The following ANKRD36B variants were observed in gnomAD, a reference collection of about 807,000 sequenced individuals.
ANKRD36B encodes the protein ankyrin repeat domain 36B, also known as ankyrin repeat domain-containing protein 36B.
A neutral mutation model predicts 135.7 loss-of-function variants in ANKRD36B; 37 were observed. The observed-to-expected ratio is 0.27, with a 90% CI of 0.21 to 0.36. The LOEUF (loss-of-function observed/expected upper bound fraction) is 0.36. Ranked by LOEUF, ANKRD36B falls within the 10% of genes least tolerant of loss-of-function variation. The probability of loss-of-function intolerance (pLI) is 1.00; values close to 1 mark genes in which losing one functional copy is unlikely to be tolerated. For missense variants in ANKRD36B, 549 were observed against 1,037.1 expected (o/e 0.53, Z 6.46); for synonymous variants, 179 against 348.1 (o/e 0.51, Z 5.41).
In ANKRD36B at chr2:97,553,173, C is replaced by A. The variant is rs760258571; in HGVS notation, c.1268G>T (p.Gly423Val). ...AATGTGTTTTGCAAAATTACCTGTC[C>A]CAGATTTTTCTCCATCCTTTATTTC... ...ATEIKDGEKS[G>V]TVSSQKKPAL... The change falls in exon 16 of 44, where the codon GGG becomes GTG. Residue 423 changes from glycine (G) to valine (V), a missense_variant. Gly to Val is a moderately radical substitution (Grantham distance 109). Transcript: ENST00000359901. The A allele has an allele frequency of 9.9e-6, 16 of 1,610,950 alleles. No homozygotes were observed. The African/African-American group carries it at 1.9e-4, about 19-fold the overall frequency.
At position 97,542,174 on chromosome 2, in the gene ANKRD36B, C is replaced by T; in HGVS notation, c.1784-67G>A. The T allele has an allele frequency of 5.6e-6, 4 of 720,612 alleles. 1 individual carries two copies. The Middle Eastern group carries it at 1.5e-3, about 273-fold the overall frequency. 44.6% of individuals were successfully genotyped at this position (720,612 alleles called of 1,614,324 possible). A position where few individuals can be genotyped will look rare whatever the true frequency, so the allele number is the denominator to read the frequency against. On this transcript the variant is annotated intron_variant, in intron 26 of 43. Coordinates refer to ENST00000359901, the MANE Select transcript of ANKRD36B (RefSeq NM_001393939.1). The stretch of plus-strand genomic sequence containing the variant: ...TGATAAAGTTATTCAAACATTCATG[C>T]AGTGTTAGCATCAAGCTGCATCTGT...
chr2:97,549,899 T>G (rs1489214608), intron 18 of ANKRD36B, among the ~76,000 whole-genome samples: 1 of 151,972 alleles, frequency 6.6e-6, no homozygotes, highest in Non-Finnish European at 1.5e-5. Context: ...GGCCAAGTGA[T>G]GAGAACAAAT....
chr2:97,564,201 C>T (rs186378304), intron 6 of ANKRD36B, among the ~76,000 whole-genome samples: 72 of 151,908 alleles, frequency 4.7e-4, no homozygotes, highest in African/African-American at 1.5e-3. Context: ...GGTTACATGT[C>T]GTCAATAAGT....
chr2:97,569,914 T>C (rs1019696662), intron 6 of ANKRD36B, among the ~76,000 whole-genome samples: 2 of 152,180 alleles, frequency 1.3e-5, no homozygotes, highest in East Asian at 3.9e-4. Context: ...AGAAAATAAC[T>C]GATAAATGAT....
intron 6 of ANKRD36B, among the ~76,000 whole-genome samples, chr2:97,568,484 G>T (rs1212432970): frequency 6.6e-6 from 1 of 152,118 alleles, no homozygotes; most frequent in Non-Finnish European, 1.5e-5. Context: ...CTCTCCTAGG[G>T]AAGATTCTGG....
intron 6 of ANKRD36B, among the ~76,000 whole-genome samples, chr2:97,563,889 C>T (rs530533571): frequency 2.6e-4 from 39 of 152,182 alleles, no homozygotes; most frequent in South Asian, 1.0e-3. Flanking sequence ...CATATGGTAT[C>T]AACATGAAGA....
intron 6 of ANKRD36B, among the ~76,000 whole-genome samples, chr2:97,561,406 G>A (rs1267638130): frequency 6.6e-6 from 1 of 151,892 alleles, no homozygotes; most frequent in African/African-American, 2.4e-5. Flanking sequence ...TATGTTTGGT[G>A]AATTCTAGTA....
At position 97,585,915 on chromosome 2, in the gene ANKRD36B, T is replaced by C. The variant is rs1465175149; in HGVS notation, c.162-517A>G. 7.9e-5 allele frequency among the ~76,000 whole-genome samples: 12 copies of C among 152,270 alleles called. 1 individual carries two copies. The East Asian group carries it at 1.9e-3, about 24-fold the overall frequency. On this transcript the variant is annotated intron_variant, in intron 1 of 43. Coordinates refer to ENST00000359901, the MANE Select transcript of ANKRD36B (RefSeq NM_001393939.1). ...CATTCTCAGATGCTCATTTTCTCACTATTCTCTTATATAAGCTACTATTCT... is the reference window on the plus strand; with the variant it reads ...CATTCTCAGATGCTCATTTTCTCACCATTCTCTTATATAAGCTACTATTCT...
chr2:97,550,151 A>T (rs1310345216), intron 18 of ANKRD36B, among the ~76,000 whole-genome samples: 4 of 150,668 alleles, frequency 2.7e-5, no homozygotes, highest in Admixed American at 6.6e-5. Context: ...CACCTTGGAC[A>T]CCTGTTTGCT....
rs1372901030 is a variant in ANKRD36B, at chr2:97,527,990, T to G, written c.2265+4321A>C. On this transcript the variant is annotated intron_variant, in intron 35 of 43. Transcript: ENST00000359901. ...CATCCCACTGTCAACATTAGACAGATCAACGAGACACAAAGTTAACAAGGA... is the reference window on the plus strand; with the variant it reads ...CATCCCACTGTCAACATTAGACAGAGCAACGAGACACAAAGTTAACAAGGA... Among the ~76,000 whole-genome samples the G allele has an allele frequency of 5.2e-5, 5 of 95,752 alleles. 2 individuals are homozygous for G. The highest frequency in any genetic ancestry group is 1.4e-4 in the Non-Finnish European group (5 of 36,136). The allele number at this position is 95,752 out of a possible 152,430, so 62.8% of individuals were successfully genotyped here.
chr2:97,546,781 C>A (rs952590686), intron 22 of ANKRD36B, among the ~76,000 whole-genome samples: 2 of 151,624 alleles, frequency 1.3e-5, no homozygotes, highest in Non-Finnish European at 3.0e-5. Flanking sequence ...CAAGAGGTAG[C>A]CCCTTGAACA....
rs4069654 is a variant in ANKRD36B, at chr2:97,563,431, T to TAC, written c.764-2573_764-2572dup. ...TTACAGTTTTCAGAAGAGAAAAAAA[T>TAC]ACACACACACACACACACACACATT... On this transcript the variant is annotated intron_variant, in intron 6 of 43. Transcript: ENST00000359901. Among the ~76,000 whole-genome samples, 720 of 149,608 alleles carry TAC rather than the reference T, an allele frequency of 4.8e-3. 5 individuals carry two copies. The highest frequency in any genetic ancestry group is 8.6e-3 in the African/African-American group (350 of 40,726).
chr2:97,556,677 T>C (rs536670601), intron 12 of ANKRD36B, among the ~76,000 whole-genome samples: 2 of 152,044 alleles, frequency 1.3e-5, no homozygotes, highest in South Asian at 2.1e-4. Context: ...TGCTGTCCCC[T>C]GATCCTCTTA....
chr2:97,552,497 A>T (rs910625763), intron 16 of ANKRD36B, among the ~76,000 whole-genome samples: 1 of 151,920 alleles, frequency 6.6e-6, no homozygotes, highest in Non-Finnish European at 1.5e-5. Context: ...TAATAGTAAC[A>T]AAAAGGAGTA....
chr2:97,544,586 C>T (rs2079312653), intron 24 of ANKRD36B, among the ~76,000 whole-genome samples: 1 of 96,216 alleles, frequency 1.0e-5, no homozygotes, highest in South Asian at 2.3e-4. Flanking sequence ...AATAATTTGC[C>T]TAAGTTTCTT....
At chr2:97,551,248 T>C (rs1195813289) in intron 18 of ANKRD36B, 41 bp downstream of exon 18, 1 of 1,537,522 alleles carries the variant, frequency 6.5e-7, no homozygotes, top group Non-Finnish European at 8.7e-7. Flanking sequence ...GAACTTCTTA[T>C]CTGGACTGAA....
intron 6 of ANKRD36B, among the ~76,000 whole-genome samples, chr2:97,562,164 T>C (rs914162248): frequency 6.6e-6 from 1 of 151,800 alleles, no homozygotes; most frequent in Non-Finnish European, 1.5e-5. Context: ...GTAATCAGAT[T>C]CCTATGAAAA....
chr2:97,563,377 A>AT (rs1208434800), intron 6 of ANKRD36B, among the ~76,000 whole-genome samples: 2 of 151,944 alleles, frequency 1.3e-5, no homozygotes, highest in African/African-American at 4.8e-5. Flanking sequence ...GAACACAAAT[A>AT]TTTTCACTTG....
chr2:97,582,669 T>C (rs367824590), intron 3 of ANKRD36B, among the ~76,000 whole-genome samples: 2 of 152,230 alleles, frequency 1.3e-5, no homozygotes, highest in African/African-American at 4.8e-5. Flanking sequence ...ATTTGGACTA[T>C]ATACCTTGTA....
Sources: gnomAD v4.1 joint callset for allele counts (sites outside exome capture counted in the v4.1 genomes callset) on GRCh38, gnomAD v4.1.1 for gene constraint, MANE v1.5 for transcripts, NCBI Gene and HGNC (gene_info 2026-07-23, HGNC 2026-07-21) for gene names.